CSDE1: variants seen among roughly 807,000 people sequenced by gnomAD.
The protein encoded by CSDE1 is cold shock domain-containing protein E1.
A neutral mutation model predicts 89.3 loss-of-function variants in CSDE1; 17 were observed. That is an observed-to-expected ratio of 0.19 (90% CI 0.13 to 0.29). The LOEUF is 0.29. Ranked by LOEUF, CSDE1 falls within the 10% of genes least tolerant of loss-of-function variation. The pLI is 1.00. For missense variants in CSDE1, 672 were observed against 984.2 expected (o/e 0.68, Z 4.24); for synonymous variants, 322 against 332.8 (o/e 0.97, Z 0.35).
At chr1:114,737,242 C>T (rs1159870786) in intron 5 of CSDE1, among the ~76,000 whole-genome samples, 1 of 152,014 alleles carries the variant, frequency 6.6e-6, no homozygotes, top group African/African-American at 2.4e-5. Flanking sequence ...GAACATTTTA[C>T]CTTAATGTTC....
At position 114,742,553 on chromosome 1, in the gene CSDE1, G is replaced by T. The variant is rs148563081; in HGVS notation, c.1-2663C>A. Among the ~76,000 whole-genome samples, 353 of 152,304 alleles carry T rather than the reference G, an allele frequency of 2.3e-3. 1 individual carries two copies. The highest frequency in any genetic ancestry group is 8.2e-3 in the African/African-American group (341 of 41,552). On this transcript the variant is annotated intron_variant, in intron 2 of 19. Transcript: ENST00000358528. ...GCCGAAATTGTGCTACTGCACTCCA[G>T]CCTGGGCAACACAGCAAGACTCCAT... is the stretch of plus-strand genomic sequence containing the variant.
chr1:114,748,066 G>A (rs771116285), intron 2 of CSDE1, among the ~76,000 whole-genome samples: 1 of 152,176 alleles, frequency 6.6e-6, no homozygotes, highest in African/African-American at 2.4e-5. Context: ...GTCTGTTTAT[G>A]AGACATAGAT....
chr1:114,741,515 T>C (rs1328615673), intron 2 of CSDE1: 4 of 1,544,106 alleles, frequency 2.6e-6, no homozygotes, highest in South Asian at 2.4e-5. Flanking sequence ...GATGACTGCT[T>C]TCCTGACTTA....
chr1:114,721,634 A>G (rs1030494574), intron 16 of CSDE1, among the ~76,000 whole-genome samples: 8 of 152,190 alleles, frequency 5.3e-5, no homozygotes, highest in African/African-American at 1.9e-4. Context: ...TCTGCTACCC[A>G]GGCTGGAGTG....
chr1:114,721,870 G>C (rs1659544120), intron 16 of CSDE1, among the ~76,000 whole-genome samples: 2 of 148,562 alleles, frequency 1.3e-5, no homozygotes, highest in African/African-American at 5.0e-5. Flanking sequence ...ACAGGTGTGA[G>C]CCACCACACC....
intron 19 of CSDE1, 78 bp downstream of exon 19, chr1:114,718,535 A>C: frequency 1.3e-6 from 2 of 1,530,954 alleles, no homozygotes; most frequent in Non-Finnish European, 1.8e-6. Flanking sequence ...AAGTTTCCTG[A>C]CCTATTGTTT....
rs139626410 is a variant in CSDE1 at position 114,725,444 on chromosome 1, G to C, written c.1641-111C>G. The C allele has an allele frequency of 8.3e-3, 6,730 of 814,662 alleles. 206 individuals carry two copies. The highest frequency in any genetic ancestry group is 0.063 in the Admixed American group (3,229 of 51,148). 50.5% of individuals were successfully genotyped at this position (814,662 alleles called of 1,614,324 possible). A position where few individuals can be genotyped will look rare whatever the true frequency, so the allele number is the denominator to read the frequency against. On this transcript the variant is annotated intron_variant, in intron 14 of 19. Coordinates refer to ENST00000358528, the MANE Select transcript of CSDE1 (RefSeq NM_001007553.3). Reference sequence around the variant, plus strand: ...TGGCATGGCATGCTTATTTACATTAGACACCATTTTAAGTAATTTCTATGT... The same window carrying C: ...TGGCATGGCATGCTTATTTACATTACACACCATTTTAAGTAATTTCTATGT...
chr1:114,745,463 T>C (rs559661046), intron 2 of CSDE1, among the ~76,000 whole-genome samples: 2 of 152,310 alleles, frequency 1.3e-5, no homozygotes, highest in East Asian at 3.9e-4. Flanking sequence ...TTCAAATGTA[T>C]TTAAAGACCA....
At chr1:114,744,168 G>C (rs1347674875) in intron 2 of CSDE1, among the ~76,000 whole-genome samples, 1 of 152,186 alleles carries the variant, frequency 6.6e-6, no homozygotes, top group Non-Finnish European at 1.5e-5. Context: ...GAAGGACCCA[G>C]TAGGTAAATG....
Position 114,726,849 on chromosome 1 carries a change from G to T in CSDE1, c.1464+134C>A, listed in dbSNP as rs369847043. On this transcript the variant is annotated intron_variant, in intron 13 of 19. Coordinates refer to ENST00000358528, the MANE Select transcript of CSDE1 (RefSeq NM_001007553.3). ...TTTAATAAGCTGCTTTCAAATACAA[G>T]ATATTCATGTATTTCTCTTAAACAC... The T allele has an allele frequency of 8.5e-6, 5 of 589,016 alleles. 1 individual carries two copies. The highest frequency in any genetic ancestry group is 5.4e-4 in the Middle Eastern group (2 of 3,714). The allele number at this position is 589,016 out of a possible 1,614,324, so 36.5% of individuals were successfully genotyped here.
chr1:114,731,733 C>G (rs902865937), intron 10 of CSDE1, among the ~76,000 whole-genome samples: 1 of 152,198 alleles, frequency 6.6e-6, no homozygotes, highest in East Asian at 1.9e-4. Flanking sequence ...TAATTGCAAG[C>G]TTGTCCAAAC....
At chr1:114,723,787 A>C (rs996773804) in intron 16 of CSDE1, 96 bp downstream of exon 16, 2 of 1,545,674 alleles carry the variant, frequency 1.3e-6, no homozygotes, top group Non-Finnish European at 1.8e-6. Context: ...TTTTAAACCT[A>C]AAAACAACTG....
rs1353475852 is a variant in CSDE1 at position 114,719,752 on chromosome 1, A to C, written c.2053-10T>G. 1 of 1,606,958 alleles carries C rather than the reference A, an allele frequency of 6.2e-7. No homozygotes were observed. Among genetic ancestry groups the C allele is most frequent in the Non-Finnish European group, 8.5e-7 (1 of 1,178,216 alleles). ...AGTTAATGAAGCCAAACTGAAAAAAAAAAGTAGGTAAAAAAGAGAGGGCAT... is the reference window on the plus strand; with the variant it reads ...AGTTAATGAAGCCAAACTGAAAAAACAAAGTAGGTAAAAAAGAGAGGGCAT... On this transcript the variant is annotated splice_polypyrimidine_tract_variant and intron_variant, in intron 17 of 19. Transcript: ENST00000358528.
chr1:114,748,557 A>C (rs958616359), intron 2 of CSDE1: 3 of 152,230 alleles, frequency 2.0e-5, no homozygotes, highest in Admixed American at 6.5e-5. Context: ...ACATATTTTA[A>C]TATCAGTAAG....
At chr1:114,742,223 T>TA (rs1660767042) in intron 2 of CSDE1, among the ~76,000 whole-genome samples, 1 of 152,164 alleles carries the variant, frequency 6.6e-6, no homozygotes, top group African/African-American at 2.4e-5. Flanking sequence ...CATTTGCTCT[T>TA]ACCGTATTAC....
chr1:114,717,807 GA>G lies in CSDE1; in HGVS notation c.*361del, dbSNP rs1659270209. 2 of 238,034 alleles carry G rather than the reference GA, an allele frequency of 8.4e-6. No individual in the cohort carries two copies. The highest frequency in any genetic ancestry group is 1.6e-5 in the Non-Finnish European group (2 of 122,930). The allele number at this position is 238,034 out of a possible 1,614,324, so 14.7% of individuals were successfully genotyped here. A position where few individuals can be genotyped will look rare whatever the true frequency, so the allele number is the denominator to read the frequency against. ...AATTAATGAAGGTAGAGTATATAAT[GA>G]AAAGTGCAGAATTTCATAGGGCCAA... is the stretch of plus-strand genomic sequence containing the variant. On this transcript the variant is annotated 3_prime_UTR_variant, in exon 20 of 20. Coordinates refer to ENST00000358528, the MANE Select transcript of CSDE1 (RefSeq NM_001007553.3).
At chr1:114,751,564 C>A (rs977154206) in intron 1 of CSDE1, among the ~76,000 whole-genome samples, 2 of 152,140 alleles carry the variant, frequency 1.3e-5, no homozygotes, top group Non-Finnish European at 2.9e-5. Flanking sequence ...TCTCTAACAT[C>A]CCATGTTCCT....
intron 10 of CSDE1, 131 bp downstream of exon 10, chr1:114,732,472 TA>T (rs1660156380): frequency 5.2e-6 from 4 of 765,400 alleles, no homozygotes; most frequent in Non-Finnish European, 8.5e-6. Flanking sequence ...GTATGATTCT[TA>T]ATCACCTTAA....
chr1:114,741,855 A>G (rs1660743587), intron 2 of CSDE1, among the ~76,000 whole-genome samples: 1 of 152,236 alleles, frequency 6.6e-6, no homozygotes, highest in Non-Finnish European at 1.5e-5. Flanking sequence ...AGCCATTAAA[A>G]CATACGATGA....
Sources: gnomAD v4.1 joint callset for allele counts (sites outside exome capture counted in the v4.1 genomes callset) on GRCh38, gnomAD v4.1.1 for gene constraint, MANE v1.5 for transcripts, NCBI Gene and HGNC (gene_info 2026-07-23, HGNC 2026-07-21) for gene names.